The following COL4A6 variants were observed in gnomAD, a reference collection of about 807,000 sequenced individuals.
COL4A6 encodes the protein collagen type IV alpha 6 chain, also known as collagen alpha-6(IV) chain.
A neutral mutation model predicts 126.7 loss-of-function variants in COL4A6; 59 were observed. That is an observed-to-expected ratio of 0.47 (90% CI 0.38 to 0.58). The LOEUF (loss-of-function observed/expected upper bound fraction) is 0.58, where lower values mean the gene tolerates loss of function less well. Ranked by LOEUF, COL4A6 falls within the 20% of genes least tolerant of loss-of-function variation. The probability of loss-of-function intolerance (pLI) is 0.00; values close to 1 mark genes in which losing one functional copy is unlikely to be tolerated. For synonymous variants in COL4A6, 547 were observed against 496.6 expected, an observed-to-expected ratio of 1.10 and a Z score of -1.35; for missense variants, 1,285 against 1,337.3, an observed-to-expected ratio of 0.96 and a Z score of 0.61.
chrX:108,193,488 C>T (rs1341955429), intron 17 of COL4A6, 140 bp downstream of exon 17: 1 of 499,708 alleles, frequency 2.0e-6, no homozygotes, highest in African/African-American at 2.4e-5. Context: ...TCCCCAAGCT[C>T]AGGAGCCATG....
rs1602738387 is a variant in COL4A6, at chrX:108,179,262, C to T, written c.2308G>A (p.Gly770Arg). Reference protein sequence around the residue: ...PGEQGLQGLTGHKGFLGDSGL... With the variant: ...PGEQGLQGLTRHKGFLGDSGL... ...GAGTCTCCAAGAAATCCTTTGTGCC[C>T]TGTTAATCCTTGTAGGCCTTGTTCC... The change falls in exon 26 of 45, where the codon GGG (glycine) becomes AGG (arginine). Residue 770 changes from glycine (G) to arginine (R), a missense_variant. Transcript: ENST00000334504. The T allele has an allele frequency of 8.3e-7, 1 of 1,209,758 alleles. No homozygotes were observed. Among genetic ancestry groups the T allele is most frequent in the Non-Finnish European group, 1.1e-6 (1 of 895,163 alleles).
chrX:108,267,575 T>A (rs1295272394), intron 3 of COL4A6: 1 of 112,713 alleles, frequency 8.9e-6, no homozygotes, highest in East Asian at 2.8e-4. Context: ...GAGTAAGTGA[T>A]AATTTGTTAA....
At chrX:108,399,289 G>T (rs1392819130) in intron 2 of COL4A6, among the ~76,000 whole-genome samples, 1 of 111,458 alleles carries the variant, frequency 9.0e-6, no homozygotes, top group Non-Finnish European at 1.9e-5. Flanking sequence ...TGCCCACTAA[G>T]TTCAATGTAC....
At chrX:108,304,591 T>C (rs1325290213) in intron 3 of COL4A6, among the ~76,000 whole-genome samples, 3 of 111,715 alleles carry the variant, frequency 2.7e-5, no homozygotes, top group African/African-American at 9.8e-5. Context: ...GGGATTACCT[T>C]TGACACAATT....
At chrX:108,308,341 A>G (rs749135251) in intron 3 of COL4A6, among the ~76,000 whole-genome samples, 1 of 111,739 alleles carries the variant, frequency 8.9e-6, no homozygotes, top group Non-Finnish European at 1.9e-5. Context: ...TCTACTTTTA[A>G]AGGCTCCCCA....
At position 108,164,581 on chromosome X, in the gene COL4A6, G is replaced by A. The variant is rs1489316385; in HGVS notation, c.4069+19C>T. The A allele has an allele frequency of 3.3e-6, 4 of 1,200,771 alleles. No individual in the cohort carries two copies. The South Asian group carries it at 7.1e-5, about 21-fold the overall frequency. ...CTCCCTCGAGCTCTGGATCAGCCCAGCACATGCTCTCAACTTACCTCTTGG... is the reference window on the plus strand; with the variant it reads ...CTCCCTCGAGCTCTGGATCAGCCCAACACATGCTCTCAACTTACCTCTTGG... On this transcript the variant is annotated intron_variant, in intron 40 of 44. Coordinates refer to ENST00000334504, the MANE Select transcript of COL4A6 (RefSeq NM_033641.4).
rs2035176319 is a variant in COL4A6, at chrX:108,195,258, T to C, written c.904-132A>G. On this transcript the variant is annotated intron_variant, in intron 14 of 44. Coordinates refer to ENST00000334504, the MANE Select transcript of COL4A6 (RefSeq NM_033641.4). ...CTAAAATCAGGTAAGCGAATGTTCC[T>C]AGACCTAGCTTAACGACTTTTTTTT... 6 of 426,686 alleles carry C rather than the reference T, an allele frequency of 1.4e-5. No individual in the cohort carries two copies. In the South Asian group the frequency reaches 3.4e-4, roughly 24 times the overall value. 35.2% of individuals were successfully genotyped at this position (426,686 alleles called of 1,213,427 possible).
intron 25 of COL4A6, 117 bp from the exon 26 acceptor site, chrX:108,179,555 C>A: frequency 1.7e-6 from 1 of 576,820 alleles, no homozygotes; most frequent in South Asian, 3.3e-5. Flanking sequence ...TAATATATGT[C>A]ACTTCTCTTG....
intron 3 of COL4A6, among the ~76,000 whole-genome samples, chrX:108,282,450 C>T (rs1417098376): frequency 2.7e-5 from 3 of 111,071 alleles, no homozygotes; most frequent in Middle Eastern, 9.2e-3. Context: ...CAATGAGATA[C>T]CATCTCACAC....
chrX:108,404,427 A>G (rs376538137), intron 2 of COL4A6, among the ~76,000 whole-genome samples: 1 of 111,549 alleles, frequency 9.0e-6, no homozygotes, highest in African/African-American at 3.3e-5. Context: ...ACTCCCATAT[A>G]CAAATTATCT....
intron 2 of COL4A6, among the ~76,000 whole-genome samples, chrX:108,376,749 C>CT (rs1364268666): frequency 8.9e-6 from 1 of 112,880 alleles, no homozygotes; most frequent in African/African-American, 3.2e-5. Context: ...AATTATTGCT[C>CT]TTTTTTTCTG....
At chrX:108,223,693 G>C (rs2036084791) in intron 3 of COL4A6, among the ~76,000 whole-genome samples, 1 of 111,487 alleles carries the variant, frequency 9.0e-6, no homozygotes, top group Admixed American at 9.5e-5. Flanking sequence ...TGGGAGAAGA[G>C]CGGTCTTTCA....
intron 38 of COL4A6, 75 bp from the exon 39 acceptor site, chrX:108,165,113 C>A (rs1340713881): frequency 1.5e-5 from 15 of 1,011,709 alleles, no homozygotes; most frequent in Non-Finnish European, 2.0e-5. Flanking sequence ...TAGGGACTGA[C>A]AGGACTCCAA....
At chrX:108,381,746 A>G (rs1159717696) in intron 2 of COL4A6, among the ~76,000 whole-genome samples, 1 of 111,936 alleles carries the variant, frequency 8.9e-6, no homozygotes, top group Non-Finnish European at 1.9e-5. Context: ...GTTATTGGTA[A>G]TGAAAGTTTC....
In COL4A6 at chrX:108,186,046, G is replaced by T. The variant is rs778840389; in HGVS notation, c.1951+1050C>A. Among the ~76,000 whole-genome samples the T allele has an allele frequency of 3.2e-3, 359 of 111,952 alleles. 1 individual carries two copies. Among genetic ancestry groups the T allele is most frequent in the Non-Finnish European group, 5.4e-3 (289 of 53,135 alleles). ...GTTTCAATTAAGAGCATGATATAAG[G>T]TTGAAAAAGTTGGTTGTATCCATGT... On this transcript the variant is annotated intron_variant, in intron 23 of 44. Transcript: ENST00000334504.
rs201787851 is a variant in COL4A6 at position 108,242,759 on chromosome X, T to C, written c.145-21385A>G. The stretch of plus-strand genomic sequence containing the variant: ...GTTACCTAGCAATGTGCATGGCACC[T>C]GAGTGAGTGATGAGACTTACCCAGT... On this transcript the variant is annotated intron_variant, in intron 3 of 44. Transcript: ENST00000334504. Among the ~76,000 whole-genome samples, 12 of 110,911 alleles carry C rather than the reference T, an allele frequency of 1.1e-4. 1 individual carries two copies. The East Asian group carries it at 3.4e-3, about 32-fold the overall frequency.
chrX:108,383,593 C>T (rs2040611900), intron 2 of COL4A6: 1 of 520,632 alleles, frequency 1.9e-6, no homozygotes, highest in South Asian at 3.0e-5. Flanking sequence ...TAGCTGTTTC[C>T]CTTGTCCAGC....
intron 2 of COL4A6, among the ~76,000 whole-genome samples, chrX:108,430,438 G>A (rs1424261467): frequency 8.9e-6 from 1 of 111,835 alleles, no homozygotes; most frequent in Non-Finnish European, 1.9e-5. Flanking sequence ...AAACCAAGTA[G>A]TATGCATTTT....
rs574111921 is a variant in COL4A6, at chrX:108,158,984, A to G, written c.4812+478T>C. ...AGGCAGCAAAAATACCAGCAAGGACATATAAACACAGCATGCACTCATCAA... is the reference window on the plus strand; with the variant it reads ...AGGCAGCAAAAATACCAGCAAGGACGTATAAACACAGCATGCACTCATCAA... On this transcript the variant is annotated intron_variant, in intron 44 of 44. Coordinates refer to ENST00000334504, the MANE Select transcript of COL4A6 (RefSeq NM_033641.4). Among the ~76,000 whole-genome samples the G allele has an allele frequency of 4.4e-5, 5 of 112,470 alleles. No homozygotes were observed. The South Asian group carries it at 1.9e-3, about 42-fold the overall frequency.
Sources: gnomAD v4.1 joint callset for allele counts (sites outside exome capture counted in the v4.1 genomes callset) on GRCh38, gnomAD v4.1.1 for gene constraint, MANE v1.5 for transcripts, NCBI Gene and HGNC (gene_info 2026-07-23, HGNC 2026-07-21) for gene names.